The following ADCY1 variants were observed in gnomAD, a reference collection of about 807,000 sequenced individuals.
ADCY1 encodes the protein adenylate cyclase type 1.
A neutral mutation model predicts 105.4 loss-of-function variants in ADCY1; 28 were observed. The observed-to-expected ratio is 0.27, with a 90% CI of 0.20 to 0.36. ADCY1 has a LOEUF of 0.36. ADCY1 is among the 10% of genes least tolerant of loss of function. ADCY1 has a pLI of 1.00. For missense variants in ADCY1, 977 were observed against 1,434.2 expected (o/e 0.68, Z 5.15); for synonymous variants, 655 against 623.8 (o/e 1.05, Z -0.75).
intron 12 of ADCY1, 29 bp from the exon 13 acceptor site, chr7:45,685,933 C>A: frequency 6.3e-7 from 1 of 1,597,324 alleles, no homozygotes; most frequent in Non-Finnish European, 8.5e-7. Context: ...CTGCCCTTTG[C>A]TAAGCCCCTG....
intron 1 of ADCY1, among the ~76,000 whole-genome samples, chr7:45,587,923 ACTT>A (rs1246028263): frequency 6.6e-6 from 1 of 152,178 alleles, no homozygotes. Flanking sequence ...TTTTCTCTTT[ACTT>A]TTCCTTTTCC....
In ADCY1 at chr7:45,713,737, C is replaced by G. The variant is rs1480516268; in HGVS notation, c.3102C>G (p.His1034Gln). 1.3e-6 allele frequency: 1 copy of G among 780,790 alleles called. No individual in the cohort carries two copies. Among genetic ancestry groups the G allele is most frequent in the Admixed American group, 1.7e-5 (1 of 59,054 alleles). 48.4% of individuals were successfully genotyped at this position (780,790 alleles called of 1,614,324 possible). A position where few individuals can be genotyped will look rare whatever the true frequency, so the allele number is the denominator to read the frequency against. Residue 1034 changes from histidine to glutamine, a missense_variant, in exon 20 of 20, where the codon CAC (histidine) becomes CAG (glutamine). His to Gln is a conservative substitution (Grantham distance 24). This residue lies in a region of ADCY1 where 78 missense variants were observed against 60.0 expected (regional missense o/e 1.30). Coordinates refer to ENST00000297323, the MANE Select transcript of ADCY1 (RefSeq NM_021116.4). ...VHRLLRRCPY[H>Q]FVCRGKVSVK... ...GGCTGCTGAGAAGGTGCCCCTACCA[C>G]TTTGTGTGCCGAGGCAAAGTCAGTG...
In ADCY1 at chr7:45,703,783, T is replaced by A; in HGVS notation, c.2718+37T>A. 1 of 1,540,196 alleles carries A rather than the reference T, an allele frequency of 6.5e-7. No homozygotes were observed. Among genetic ancestry groups the A allele is most frequent in the South Asian group, 1.3e-5 (1 of 78,842 alleles). ...CGTCGCCATCCTGACCCCGCCTGGT[T>A]GTGGTGGTGCATCCTGTTGCGTGGG... On this transcript the variant is annotated intron_variant, in intron 16 of 19. Coordinates refer to ENST00000297323, the MANE Select transcript of ADCY1 (RefSeq NM_021116.4). The surrounding 1 kb of genome is among the most constrained non-coding windows in gnomAD (Gnocchi z 5.9).
chr7:45,604,857 A>G (rs1443979567), intron 2 of ADCY1, among the ~76,000 whole-genome samples: 10 of 152,174 alleles, frequency 6.6e-5, no homozygotes, highest in Admixed American at 1.3e-4. Context: ...ATAGGTACTA[A>G]AGAATTTGCT....
Position 45,574,822 on chromosome 7 carries a change from C to G in ADCY1, c.279C>G (p.Gly93=), listed in dbSNP as rs1254408358. The G allele has an allele frequency of 1.9e-6, 3 of 1,609,182 alleles. No individual in the cohort carries two copies. Among genetic ancestry groups the G allele is most frequent in the Non-Finnish European group, 1.7e-6 (2 of 1,179,242 alleles). ...GGCCCGCGCCCGGCCTGGCCAAGGG[C>G]TCACACCCGGTGCACTGCGTCCTCT... ...APGPAPGLAK[G]SHPVHCVLFL... The change falls in exon 1 of 20, where the codon GGC becomes GGG. Residue 93 remains glycine, a synonymous_variant. Transcript: ENST00000297323. The surrounding 1 kb of genome is among the most constrained non-coding windows in gnomAD (Gnocchi z 7.0).
At chr7:45,676,916 CT>C (rs1341836719) in intron 8 of ADCY1, among the ~76,000 whole-genome samples, 4 of 149,476 alleles carry the variant, frequency 2.7e-5, no homozygotes, top group African/African-American at 7.4e-5. Context: ...TAGGTTGCCC[CT>C]TTTTTTTTCT....
At chr7:45,627,521 C>T (rs573453793) in intron 4 of ADCY1, among the ~76,000 whole-genome samples, 5 of 152,362 alleles carry the variant, frequency 3.3e-5, no homozygotes, top group South Asian at 2.1e-4. Flanking sequence ...TGGCTATCCC[C>T]GCCTGTTTAA....
chr7:45,672,869 A>G (rs1484129836), intron 8 of ADCY1, among the ~76,000 whole-genome samples: 1 of 152,130 alleles, frequency 6.6e-6, no homozygotes, highest in Non-Finnish European at 1.5e-5. Context: ...GAGAGCCAAC[A>G]TCTTGTATTT....
chr7:45,672,748 G>T (rs932417170), intron 8 of ADCY1, among the ~76,000 whole-genome samples: 1 of 151,520 alleles, frequency 6.6e-6, no homozygotes, highest in East Asian at 1.9e-4. Flanking sequence ...TCATCATGTC[G>T]TCTGAAACTA....
intron 2 of ADCY1, 61 bp from the exon 3 acceptor site, chr7:45,610,318 G>T: frequency 1.4e-6 from 2 of 1,472,016 alleles, no homozygotes; most frequent in South Asian, 2.3e-5. Context: ...GGAGGGTGAG[G>T]TGAGGAGGAG....
intron 17 of ADCY1, among the ~76,000 whole-genome samples, chr7:45,705,673 C>T (rs10226873): frequency 0.15 from 22,337 of 152,046 alleles, 2,124 homozygotes; most frequent in Non-Finnish European, 0.2. Context: ...GCGAGAATAT[C>T]CTCTCTCACC....
At position 45,635,601 on chromosome 7, in the gene ADCY1, GTTTTTT is replaced by G. The variant is rs71030884; in HGVS notation, c.1020+12881_1020+12886del. Among the ~76,000 whole-genome samples the G allele has an allele frequency of 0.014, 801 of 57,186 alleles. 13 individuals are homozygous for G. In the East Asian group the frequency reaches 0.15, roughly 11 times the overall value. 37.5% of individuals were successfully genotyped at this position (57,186 alleles called of 152,430 possible). ...TTCAAAATACTTTCTAATTTCTCTT[GTTTTTT>G]TTTTTTTTTTTTTTTTTTTTTTCCA... On this transcript the variant is annotated intron_variant, in intron 4 of 19. Transcript: ENST00000297323.
At chr7:45,697,483 C>T (rs564313506) in intron 14 of ADCY1, among the ~76,000 whole-genome samples, 10 of 151,984 alleles carry the variant, frequency 6.6e-5, no homozygotes, top group East Asian at 1.9e-4. Context: ...CTCTCCCTCC[C>T]GGGTTCAAGT....
At chr7:45,620,735 CT>C (rs1226412802) in intron 3 of ADCY1, among the ~76,000 whole-genome samples, 1 of 152,206 alleles carries the variant, frequency 6.6e-6, no homozygotes, top group Non-Finnish European at 1.5e-5. Flanking sequence ...AGGTTATCAG[CT>C]GATTTTTCAT....
intron 3 of ADCY1, among the ~76,000 whole-genome samples, chr7:45,619,295 A>G (rs866931864): frequency 2.0e-5 from 3 of 152,158 alleles, no homozygotes; most frequent in African/African-American, 7.2e-5. Flanking sequence ...CTATTGTTCT[A>G]TAGCATGTAG....
intron 3 of ADCY1, among the ~76,000 whole-genome samples, chr7:45,617,861 A>G (rs1793781118): frequency 6.6e-6 from 1 of 152,228 alleles, no homozygotes; most frequent in African/African-American, 2.4e-5. Context: ...GATGTTCTTC[A>G]CAAAAATAGA....
Position 45,696,976 on chromosome 7 carries a change from TC to T in ADCY1, c.2455-6398del, listed in dbSNP as rs769924836. Among the ~76,000 whole-genome samples, 4 of 152,322 alleles carry T rather than the reference TC, an allele frequency of 2.6e-5. No individual in the cohort carries two copies. In the South Asian group the frequency reaches 8.3e-4, roughly 32 times the overall value. Reference sequence around the variant, plus strand: ...TCTAATTAAGGGGCTGAAGAGGACTTCCTGGAGGAGGTGGTATTGGACCAGG... The same window carrying T: ...TCTAATTAAGGGGCTGAAGAGGACTTCTGGAGGAGGTGGTATTGGACCAGG... On this transcript the variant is annotated intron_variant, in intron 14 of 19. Transcript: ENST00000297323.
chr7:45,623,311 G>A (rs999284477), intron 4 of ADCY1, among the ~76,000 whole-genome samples: 7 of 152,232 alleles, frequency 4.6e-5, no homozygotes, highest in Admixed American at 3.9e-4. Flanking sequence ...GCTGAATGTC[G>A]GGCCAAGGCC....
At position 45,684,966 on chromosome 7, in the gene ADCY1, A is replaced by G. The variant is rs778020727; in HGVS notation, c.1984-13A>G. On this transcript the variant is annotated splice_polypyrimidine_tract_variant and intron_variant, in intron 11 of 19. Transcript: ENST00000297323. ...ATCAGAGGGTATTTTCTAAATTAAC[A>G]TTTCTTATTCAGTGTTTTCCAGGGT... The G allele has an allele frequency of 6.2e-7, 1 of 1,609,920 alleles. No individual in the cohort carries two copies. Among genetic ancestry groups the G allele is most frequent in the Non-Finnish European group, 8.5e-7 (1 of 1,176,166 alleles).
Sources: gnomAD v4.1 joint callset for allele counts (sites outside exome capture counted in the v4.1 genomes callset) on GRCh38, gnomAD v4.1.1 for gene constraint, gnomAD v4.1.1 regional missense constraint, Gnocchi (gnomAD v3.1) non-coding constraint, MANE v1.5 for transcripts, NCBI Gene and HGNC (gene_info 2026-07-23, HGNC 2026-07-21) for gene names.